The following MACROD2 variants were observed in gnomAD, a reference collection of about 807,000 sequenced individuals.
MACROD2 encodes mono-ADP ribosylhydrolase 2.
Under a neutral mutation model 70.4 loss-of-function variants are expected in MACROD2, and 36 were observed. The observed-to-expected ratio is 0.51, with a 90% CI of 0.39 to 0.68. The LOEUF is 0.68. MACROD2 is among the 30% of genes least tolerant of loss of function. MACROD2 has a pLI of 0.00. For synonymous variants in MACROD2, 172 were observed against 178.8 expected (o/e 0.96, Z 0.30); for missense variants, 496 against 538.4 (o/e 0.92, Z 0.78).
rs113064140 is a variant in MACROD2, at chr20:14,979,284, A to G, written c.419-250656A>G. 5.7e-3 allele frequency among the ~76,000 whole-genome samples: 865 copies of G among 152,234 alleles called. 12 individuals are homozygous for G. Among genetic ancestry groups the G allele is most frequent in the African/African-American group, 0.02 (820 of 41,550 alleles). ...TGTGATTTATATTTTAATGAACAAA[A>G]GATTAGAATAAAATTTGTAAAATTT... On this transcript the variant is annotated intron_variant, in intron 5 of 17. Coordinates refer to ENST00000684519, the MANE Select transcript of MACROD2 (RefSeq NM_001351661.2).
intron 5 of MACROD2, among the ~76,000 whole-genome samples, chr20:15,131,203 G>A (rs1035353235): frequency 5.3e-5 from 8 of 152,004 alleles, no homozygotes; most frequent in African/African-American, 1.7e-4. Context: ...CTAATAACAG[G>A]CAAATTAAGA....
intron 5 of MACROD2, among the ~76,000 whole-genome samples, chr20:15,003,027 A>G (rs1204612029): frequency 6.6e-6 from 1 of 152,186 alleles, no homozygotes; most frequent in Non-Finnish European, 1.5e-5. Context: ...TGGTTTTGCT[A>G]ACAGTAATTT....
At chr20:14,459,608 T>C (rs990046216) in intron 3 of MACROD2, among the ~76,000 whole-genome samples, 2 of 152,072 alleles carry the variant, frequency 1.3e-5, no homozygotes, top group African/African-American at 4.8e-5. Context: ...AGGAAAAAAA[T>C]TAACACTGAA....
intron 5 of MACROD2, among the ~76,000 whole-genome samples, chr20:14,723,552 A>T (rs907600097): frequency 6.7e-6 from 1 of 148,768 alleles, no homozygotes; most frequent in South Asian, 2.2e-4. Context: ...TTTCTTAGAA[A>T]GCTTGGCTGG....
At chr20:14,486,880 G>A (rs539804607) in intron 3 of MACROD2, among the ~76,000 whole-genome samples, 3 of 152,224 alleles carry the variant, frequency 2.0e-5, no homozygotes, top group East Asian at 1.9e-4. Context: ...TAGATAATAT[G>A]CAAAATATTG....
chr20:15,899,493 C>T (rs1300992883), intron 10 of MACROD2, among the ~76,000 whole-genome samples: 3 of 152,146 alleles, frequency 2.0e-5, no homozygotes, highest in Admixed American at 2.0e-4. Flanking sequence ...AATATGCATA[C>T]ACACATATAA....
chr20:15,989,319 C>A (rs1052781698), intron 15 of MACROD2, among the ~76,000 whole-genome samples: 3 of 152,136 alleles, frequency 2.0e-5, no homozygotes, highest in African/African-American at 7.2e-5. Flanking sequence ...TGGTTGGCAG[C>A]ACCATCTCAG....
At chr20:15,569,136 A>T (rs930424870) in intron 8 of MACROD2, among the ~76,000 whole-genome samples, 2 of 152,194 alleles carry the variant, frequency 1.3e-5, no homozygotes, top group African/African-American at 4.8e-5. Flanking sequence ...GAATGGTTCT[A>T]TCCCTCAGTT....
At chr20:14,146,546 G>A (rs1437307900) in intron 3 of MACROD2, among the ~76,000 whole-genome samples, 2 of 152,112 alleles carry the variant, frequency 1.3e-5, no homozygotes, top group Non-Finnish European at 2.9e-5. Context: ...GACAAGAAGA[G>A]AGGCTCCACA....
chr20:15,347,774 T>C (rs868192558), intron 6 of MACROD2, among the ~76,000 whole-genome samples: 14 of 152,256 alleles, frequency 9.2e-5, no homozygotes, highest in African/African-American at 3.1e-4. Flanking sequence ...AAGGGATTTT[T>C]GTTTTTTCCA....
chr20:14,557,882 C>T (rs1459143465), intron 4 of MACROD2, among the ~76,000 whole-genome samples: 1 of 151,386 alleles, frequency 6.6e-6, no homozygotes, highest in African/African-American at 2.4e-5. Flanking sequence ...AGGTATATAC[C>T]CAAGAGATTA....
chr20:14,458,207 C>T (rs981424439), intron 3 of MACROD2, among the ~76,000 whole-genome samples: 2 of 151,984 alleles, frequency 1.3e-5, no homozygotes, highest in Non-Finnish European at 2.9e-5. Context: ...GACTATTTGA[C>T]AATCCAGTGG....
At chr20:14,451,863 A>G (rs2084249486) in intron 3 of MACROD2, among the ~76,000 whole-genome samples, 1 of 152,168 alleles carries the variant, frequency 6.6e-6, no homozygotes, top group Non-Finnish European at 1.5e-5. Flanking sequence ...GACATTTCAG[A>G]GTTTCTGTCA....
intron 8 of MACROD2, among the ~76,000 whole-genome samples, chr20:15,708,639 G>A (rs919807522): frequency 3.9e-5 from 5 of 128,368 alleles, no homozygotes; most frequent in African/African-American, 7.6e-5. Context: ...CTTTGGGAGC[G>A]AGGCAGTAGG....
chr20:14,570,116 G>A (rs1326859929), intron 4 of MACROD2, among the ~76,000 whole-genome samples: 2 of 152,022 alleles, frequency 1.3e-5, no homozygotes, highest in Admixed American at 6.6e-5. Context: ...GGAAACAACA[G>A]TACAATAGAT....
chr20:15,799,955 G>A (rs563620129), intron 8 of MACROD2, among the ~76,000 whole-genome samples: 55 of 149,500 alleles, frequency 3.7e-4, no homozygotes, highest in African/African-American at 1.1e-3. Context: ...TCTTTTTTTC[G>A]TCTGTTCATT....
intron 10 of MACROD2, among the ~76,000 whole-genome samples, chr20:15,897,612 T>C (rs2147234681): frequency 6.6e-6 from 1 of 152,304 alleles, no homozygotes; most frequent in East Asian, 1.9e-4. Context: ...TTTTCAAGTC[T>C]GTCATTTAAC....
intron 5 of MACROD2, among the ~76,000 whole-genome samples, chr20:14,820,357 C>CTTTT (rs11475238): frequency 1.4e-4 from 16 of 116,114 alleles, no homozygotes; most frequent in Non-Finnish European, 1.8e-4. Context: ...ATTTTTCTTC[C>CTTTT]TTTTTTTTTT....
In MACROD2 at chr20:15,478,851, G is replaced by A. The variant is rs149640659; in HGVS notation, c.572-20923G>A. On this transcript the variant is annotated intron_variant, in intron 7 of 17. Coordinates refer to ENST00000684519, the MANE Select transcript of MACROD2 (RefSeq NM_001351661.2). ...AGATGCTATGTAGTTTGGTTGCAAG[G>A]TGGCTGTCAATCACAAATGCAAGTT... is the stretch of plus-strand genomic sequence containing the variant. 9.8e-4 allele frequency among the ~76,000 whole-genome samples: 150 copies of A among 152,310 alleles called. 1 individual carries two copies. Among genetic ancestry groups the A allele is most frequent in the African/African-American group, 3.2e-3 (135 of 41,564 alleles).
Sources: gnomAD v4.1 joint callset for allele counts (sites outside exome capture counted in the v4.1 genomes callset) on GRCh38, gnomAD v4.1.1 for gene constraint, MANE v1.5 for transcripts, NCBI Gene and HGNC (gene_info 2026-07-23, HGNC 2026-07-21) for gene names.